The following EXOC2 variants were observed in gnomAD, a reference collection of about 807,000 sequenced individuals.
EXOC2 encodes the protein exocyst complex component 2.
In EXOC2, 70 loss-of-function variants were observed where a neutral mutation model predicts 131.8. The observed-to-expected ratio is 0.53, with a 90% CI of 0.44 to 0.65. EXOC2 has a LOEUF of 0.65. Ranked by LOEUF, EXOC2 falls within the 30% of genes least tolerant of loss-of-function variation. EXOC2 has a pLI of 0.00. For missense variants in EXOC2, 923 were observed against 1,108.6 expected, an observed-to-expected ratio of 0.83 and a Z score of 2.38; for synonymous variants, 411 against 398.4, an observed-to-expected ratio of 1.03 and a Z score of -0.38.
At chr6:674,720 T>C (rs762511319) in intron 1 of EXOC2, among the ~76,000 whole-genome samples, 1 of 144,982 alleles carries the variant, frequency 6.9e-6, no homozygotes, top group Non-Finnish European at 1.5e-5. Context: ...CCATGTTTGT[T>C]TGTTTGTTTG....
intron 23 of EXOC2, among the ~76,000 whole-genome samples, chr6:531,754 C>T (rs530542265): frequency 1.2e-3 from 178 of 152,298 alleles, no homozygotes; most frequent in African/African-American, 3.8e-3. Flanking sequence ...AACCCGTGTC[C>T]GATACCAGCA....
intron 1 of EXOC2, among the ~76,000 whole-genome samples, chr6:650,509 A>G (rs1265705030): frequency 6.6e-6 from 1 of 152,228 alleles, no homozygotes; most frequent in Non-Finnish European, 1.5e-5. Context: ...TTTTTACTGT[A>G]TAATTACACA....
At chr6:657,713 C>T (rs1418737160) in intron 1 of EXOC2, among the ~76,000 whole-genome samples, 1 of 151,250 alleles carries the variant, frequency 6.6e-6, no homozygotes, top group East Asian at 1.9e-4. Context: ...CTCTAGCCCA[C>T]CAGCAACACT....
intron 10 of EXOC2, 106 bp from the exon 11 acceptor site, chr6:592,693 A>AC (rs1759608509): frequency 1.3e-6 from 1 of 741,270 alleles, no homozygotes; most frequent in African/African-American, 1.8e-5. Flanking sequence ...GTGCCCTGTC[A>AC]AATATTAGTC....
chr6:548,599 A>G (rs1183282406), intron 22 of EXOC2, among the ~76,000 whole-genome samples: 1 of 152,156 alleles, frequency 6.6e-6, no homozygotes, highest in East Asian at 1.9e-4. Flanking sequence ...GCGTGCAGTG[A>G]TTGGAGAGTG....
chr6:624,690 G>C (rs1369688197), intron 4 of EXOC2, among the ~76,000 whole-genome samples: 1 of 152,186 alleles, frequency 6.6e-6, no homozygotes, highest in Admixed American at 6.5e-5. Context: ...CTACAAATCC[G>C]TAAAGATGAC....
intron 23 of EXOC2, chr6:524,771 T>G (rs951367254): frequency 6.6e-6 from 1 of 152,234 alleles, no homozygotes; most frequent in Admixed American, 6.5e-5. Context: ...TTTTCTATAT[T>G]TAATCATCTT....
intron 1 of EXOC2, among the ~76,000 whole-genome samples, chr6:638,813 C>T (rs1247031506): frequency 1.3e-5 from 2 of 152,126 alleles, no homozygotes; most frequent in African/African-American, 4.8e-5. Context: ...CCTGTAATCC[C>T]AGCTACTCAG....
chr6:676,163 G>A (rs376705793), intron 1 of EXOC2, among the ~76,000 whole-genome samples: 2 of 40,464 alleles, frequency 4.9e-5, no homozygotes, highest in African/African-American at 1.3e-4. Flanking sequence ...TCAACATTAC[G>A]GAAAGGACAG....
intron 7 of EXOC2, among the ~76,000 whole-genome samples, chr6:607,376 G>A (rs550644763): frequency 6.6e-6 from 1 of 152,260 alleles, no homozygotes; most frequent in South Asian, 2.1e-4. Flanking sequence ...CATCAATAAA[G>A]CGAAGATAAC....
At chr6:558,012 C>G (rs746510576) in intron 17 of EXOC2, among the ~76,000 whole-genome samples, 2 of 152,050 alleles carry the variant, frequency 1.3e-5, no homozygotes, top group Non-Finnish European at 2.9e-5. Flanking sequence ...GGCGGCCGGG[C>G]TTCATCCGGA....
chr6:558,241 A>G lies in EXOC2; in HGVS notation c.1852-1677T>C, dbSNP rs950899183. ...TTAATGAAAGCTAAAACAGTGCCTC[A>G]GCTTTAATGTCATGTTATTTCTGCA... On this transcript the variant is annotated intron_variant, in intron 17 of 27. Coordinates refer to ENST00000230449, the MANE Select transcript of EXOC2 (RefSeq NM_018303.6). 3.3e-5 allele frequency among the ~76,000 whole-genome samples: 5 copies of G among 152,242 alleles called. No individual in the cohort carries two copies. The East Asian group carries it at 9.6e-4, about 29-fold the overall frequency.
intron 15 of EXOC2, 91 bp from the exon 16 acceptor site, chr6:564,245 G>A: frequency 6.6e-7 from 1 of 1,510,266 alleles, no homozygotes. Context: ...ATTCCTCACG[G>A]AGCTTACGAG....
intron 6 of EXOC2, among the ~76,000 whole-genome samples, chr6:617,267 A>T (rs1462196623): frequency 6.6e-6 from 1 of 152,260 alleles, no homozygotes; most frequent in African/African-American, 2.4e-5. Flanking sequence ...TCCCATACAC[A>T]GATGGCACAG....
chr6:645,778 C>G (rs574219961), intron 1 of EXOC2, among the ~76,000 whole-genome samples: 2 of 152,170 alleles, frequency 1.3e-5, no homozygotes, highest in Admixed American at 6.5e-5. Context: ...ATGAGCATAT[C>G]TAACTCCCAA....
chr6:630,707 C>T (rs1209048054), intron 3 of EXOC2, among the ~76,000 whole-genome samples: 1 of 152,200 alleles, frequency 6.6e-6, no homozygotes, highest in East Asian at 1.9e-4. Context: ...ATGCTACTTG[C>T]TATTTCTCAT....
At chr6:509,180 A>G (rs1764720009) in intron 23 of EXOC2, among the ~76,000 whole-genome samples, 1 of 152,238 alleles carries the variant, frequency 6.6e-6, no homozygotes. Flanking sequence ...TTAGTATTCT[A>G]GCATGGATGT....
chr6:507,034 CCACA>C (rs774156290), intron 23 of EXOC2, among the ~76,000 whole-genome samples: 9 of 147,962 alleles, frequency 6.1e-5, no homozygotes, highest in African/African-American at 2.0e-4. Context: ...ACAGCAGTGA[CCACA>C]CACACACACA....
rs1170598505 is a variant in EXOC2, at chr6:662,764, A to ACCAAAC, written c.-43-24909_-43-24904dup. 9.2e-5 allele frequency among the ~76,000 whole-genome samples: 14 copies of ACCAAAC among 152,262 alleles called. No individual in the cohort carries two copies. The South Asian group carries it at 1.2e-3, about 14-fold the overall frequency. On this transcript the variant is annotated intron_variant, in intron 1 of 27. Transcript: ENST00000230449. ...CAAGGAACTAGAGAAACAAGAACAA[A>ACCAAAC]CCAAACCCAAACCCAAACCCAGCGG...
Sources: gnomAD v4.1 joint callset for allele counts (sites outside exome capture counted in the v4.1 genomes callset) on GRCh38, gnomAD v4.1.1 for gene constraint, MANE v1.5 for transcripts, NCBI Gene and HGNC (gene_info 2026-07-23, HGNC 2026-07-21) for gene names.